The following CSMD1 variants were observed in gnomAD, a reference collection of about 807,000 sequenced individuals.
The protein encoded by CSMD1 is CUB and Sushi multiple domains 1.
In CSMD1, 213 loss-of-function variants were observed where a neutral mutation model predicts 417.5. That is an observed-to-expected ratio of 0.51 (90% CI 0.46 to 0.57). The LOEUF (loss-of-function observed/expected upper bound fraction) is 0.57. Among genes scored for constraint, CSMD1 ranks in the 20% least tolerant of loss-of-function variants. The pLI is 0.00. For synonymous variants in CSMD1, 2,862 were observed against 1,736.8 expected (o/e 1.65, Z -16.11); for missense variants, 6,923 against 4,529.7 (o/e 1.53, Z -15.17).
chr8:4,928,749 C>T (rs1025840847), intron 1 of CSMD1, among the ~76,000 whole-genome samples: 3 of 152,012 alleles, frequency 2.0e-5, no homozygotes, highest in Non-Finnish European at 4.4e-5. Context: ...ATTTTATTTG[C>T]ACATAGGCCC....
chr8:4,878,136 G>A (rs1430490794), intron 1 of CSMD1, among the ~76,000 whole-genome samples: 3 of 152,082 alleles, frequency 2.0e-5, no homozygotes, highest in East Asian at 1.9e-4. Context: ...TTCCTCAGAA[G>A]TGGAGTCTAA....
At chr8:3,542,696 A>T (rs1207497397) in intron 10 of CSMD1, among the ~76,000 whole-genome samples, 1 of 152,214 alleles carries the variant, frequency 6.6e-6, no homozygotes, top group Non-Finnish European at 1.5e-5. Context: ...ATGTCTCAAG[A>T]ATAACTGTCA....
chr8:3,622,540 A>C (rs1796305086), intron 7 of CSMD1, among the ~76,000 whole-genome samples: 1 of 152,240 alleles, frequency 6.6e-6, no homozygotes, highest in East Asian at 1.9e-4. Context: ...GATCTTTTTA[A>C]AGATAATGCC....
chr8:3,274,151 G>T (rs1315038803), intron 26 of CSMD1, among the ~76,000 whole-genome samples: 1 of 151,768 alleles, frequency 6.6e-6, no homozygotes, highest in Non-Finnish European at 1.5e-5. Flanking sequence ...TGGTTTCAAA[G>T]AACATCTTTA....
chr8:4,434,100 G>A (rs888218359), intron 2 of CSMD1, among the ~76,000 whole-genome samples: 1 of 152,124 alleles, frequency 6.6e-6, no homozygotes, highest in African/African-American at 2.4e-5. Context: ...CACTTTGGGA[G>A]GTTGAAGTGG....
intron 55 of CSMD1, among the ~76,000 whole-genome samples, chr8:2,976,852 G>C (rs1804970880): frequency 6.6e-6 from 1 of 151,500 alleles, no homozygotes; most frequent in Admixed American, 6.6e-5. Flanking sequence ...TAACACTTTG[G>C]CTATTTGGGT....
chr8:4,544,081 T>C (rs1215118716), intron 2 of CSMD1, among the ~76,000 whole-genome samples: 1 of 152,218 alleles, frequency 6.6e-6, no homozygotes, highest in African/African-American at 2.4e-5. Flanking sequence ...GGCTTGCCTT[T>C]TATTCTTTTA....
intron 11 of CSMD1, among the ~76,000 whole-genome samples, chr8:3,476,623 A>G (rs1817441372): frequency 6.6e-6 from 1 of 152,154 alleles, no homozygotes; most frequent in Admixed American, 6.5e-5. Flanking sequence ...TTACAAGGAT[A>G]AATAATGAAT....
At chr8:3,950,606 G>C (rs950390772) in intron 5 of CSMD1, among the ~76,000 whole-genome samples, 3 of 152,188 alleles carry the variant, frequency 2.0e-5, no homozygotes, top group African/African-American at 4.8e-5. Flanking sequence ...CCACCATTAA[G>C]TCGTGGCTCA....
At chr8:4,597,908 G>A (rs1800371845) in intron 2 of CSMD1, among the ~76,000 whole-genome samples, 1 of 151,714 alleles carries the variant, frequency 6.6e-6, no homozygotes, top group South Asian at 2.1e-4. Flanking sequence ...GAATATGGTG[G>A]GTACTAAAAT....
At chr8:3,558,018 A>T in intron 10 of CSMD1, among the ~76,000 whole-genome samples, 1 of 152,002 alleles carries the variant, frequency 6.6e-6, no homozygotes, top group East Asian at 1.9e-4. Flanking sequence ...TCCTCCAATG[A>T]TGAATGGTGC....
At chr8:3,446,289 A>G (rs149933830) in intron 12 of CSMD1, among the ~76,000 whole-genome samples, 2 of 152,326 alleles carry the variant, frequency 1.3e-5, no homozygotes, top group Non-Finnish European at 2.9e-5. Context: ...GCTATTGTAA[A>G]ATTAGTTTTC....
chr8:3,464,084 G>A (rs1816667335), intron 12 of CSMD1, among the ~76,000 whole-genome samples: 1 of 152,154 alleles, frequency 6.6e-6, no homozygotes, highest in Non-Finnish European at 1.5e-5. Context: ...CTATACAGCA[G>A]CACATCACAG....
intron 2 of CSMD1, among the ~76,000 whole-genome samples, chr8:4,608,729 G>C (rs1461166474): frequency 6.6e-6 from 1 of 152,196 alleles, no homozygotes; most frequent in East Asian, 1.9e-4. Context: ...AGTGAAGTCT[G>C]TGACGATGTG....
chr8:3,449,424 T>G (rs963846858), intron 12 of CSMD1, among the ~76,000 whole-genome samples: 2 of 152,150 alleles, frequency 1.3e-5, no homozygotes, highest in Admixed American at 1.3e-4. Flanking sequence ...GCTCCCACCA[T>G]GCCTAAGGAT....
chr8:4,102,299 A>G (rs966690792), intron 3 of CSMD1, among the ~76,000 whole-genome samples: 1 of 152,126 alleles, frequency 6.6e-6, no homozygotes, highest in African/African-American at 2.4e-5. Flanking sequence ...AGAAATCATG[A>G]TCTTAGCTTT....
chr8:3,164,517 T>C (rs1395480537), intron 37 of CSMD1, among the ~76,000 whole-genome samples: 1 of 152,246 alleles, frequency 6.6e-6, no homozygotes, highest in Non-Finnish European at 1.5e-5. Context: ...CTTTAGAACA[T>C]AGATTACTAC....
At chr8:4,696,753 A>G (rs1208352045) in intron 1 of CSMD1, among the ~76,000 whole-genome samples, 3 of 152,220 alleles carry the variant, frequency 2.0e-5, no homozygotes, top group Admixed American at 2.0e-4. Flanking sequence ...AGCACCCAAC[A>G]TGGGTGTCCA....
intron 1 of CSMD1, among the ~76,000 whole-genome samples, chr8:4,664,001 A>T (rs1804766698): frequency 6.6e-6 from 1 of 152,166 alleles, no homozygotes; most frequent in South Asian, 2.1e-4. Flanking sequence ...TGGTTCGGGC[A>T]AGAGATCCAC....
Sources: gnomAD v4.1 joint callset for allele counts (sites outside exome capture counted in the v4.1 genomes callset) on GRCh38, gnomAD v4.1.1 for gene constraint, MANE v1.5 for transcripts, NCBI Gene and HGNC (gene_info 2026-07-23, HGNC 2026-07-21) for gene names.